The following CHD6 variants were observed in gnomAD, a reference collection of about 807,000 sequenced individuals.
The protein encoded by CHD6 is chromodomain helicase DNA binding protein 6.
Under a neutral mutation model 276.9 loss-of-function variants are expected in CHD6, and 50 were observed. That is an observed-to-expected ratio of 0.18 (90% CI 0.14 to 0.23). CHD6 has a LOEUF of 0.23. CHD6 is among the 10% of genes least tolerant of loss of function. CHD6 has a pLI of 1.00. For missense variants in CHD6, 2,564 were observed against 3,365.8 expected (o/e 0.76, Z 5.89); for synonymous variants, 1,173 against 1,229.3 (o/e 0.95, Z 0.96).
chr20:41,502,330 A>G (rs1408850842), intron 5 of CHD6, among the ~76,000 whole-genome samples: 2 of 152,256 alleles, frequency 1.3e-5, no homozygotes, highest in Non-Finnish European at 2.9e-5. Context: ...CAATTAAAAA[A>G]TTAAAAAATA....
intron 14 of CHD6, among the ~76,000 whole-genome samples, chr20:41,486,778 ACT>A (rs1388800555): frequency 6.6e-6 from 1 of 151,266 alleles, no homozygotes; most frequent in African/African-American, 2.4e-5. Flanking sequence ...CAATTCATCC[ACT>A]CTGTTTTCAG....
At position 41,473,588 on chromosome 20, in the gene CHD6, G is replaced by A; in HGVS notation, c.2469-71C>T. 7 of 1,297,054 alleles carry A rather than the reference G, an allele frequency of 5.4e-6. No individual in the cohort carries two copies. Among genetic ancestry groups the A allele is most frequent in the Non-Finnish European group, 7.7e-6 (7 of 909,284 alleles). The allele number at this position is 1,297,054 out of a possible 1,614,324, so 80.3% of individuals were successfully genotyped here. A position where few individuals can be genotyped will look rare whatever the true frequency, so the allele number is the denominator to read the frequency against. On this transcript the variant is annotated intron_variant, in intron 16 of 36. Coordinates refer to ENST00000373233, the MANE Select transcript of CHD6 (RefSeq NM_032221.5). The surrounding 1 kb of genome is among the most constrained non-coding windows in gnomAD (Gnocchi z 4.1). The stretch of plus-strand genomic sequence containing the variant: ...TCAATGGAGAACAGCACAAAATGCA[G>A]GAAGCTGTCGACTGATGGCCTTAAA...
In CHD6 at chr20:41,403,777, C is replaced by A. The variant is rs543216528; in HGVS notation, c.*816G>T. 1,404 of 1,058,328 alleles carry A rather than the reference C, an allele frequency of 1.3e-3. 11 individuals are homozygous for A. The highest frequency in any genetic ancestry group is 0.011 in the Middle Eastern group (25 of 2,360). The allele number at this position is 1,058,328 out of a possible 1,614,324, so 65.6% of individuals were successfully genotyped here. On this transcript the variant is annotated 3_prime_UTR_variant, in exon 37 of 37. Transcript: ENST00000373233. ...GTAAGCGAACCAGGTGAGAGCAGAG[C>A]GCTAGCCGTGTGCTTGTGAAGCAGC...
intron 1 of CHD6, among the ~76,000 whole-genome samples, chr20:41,600,984 GC>G: frequency 6.6e-6 from 1 of 152,202 alleles, no homozygotes. Flanking sequence ...ACAACTGAAG[GC>G]TCTATCACAT....
At chr20:41,455,657 T>C in intron 19 of CHD6, 143 bp downstream of exon 19, 1 of 591,220 alleles carries the variant, frequency 1.7e-6, no homozygotes, top group South Asian at 3.1e-5. Context: ...GATCTATATC[T>C]TTAGATAGTC....
chr20:41,452,680 C>T lies in CHD6; in HGVS notation c.3323+60G>A, dbSNP rs1190000512. ...AGACATCCTAGACAAATCTCAGGGA[C>T]TGAAAAACAGAGGGGAACAAACAAC... On this transcript the variant is annotated intron_variant, in intron 21 of 36. Transcript: ENST00000373233. The surrounding 1 kb of genome is among the most constrained non-coding windows in gnomAD (Gnocchi z 4.2). The T allele has an allele frequency of 1.2e-5, 17 of 1,477,272 alleles. No homozygotes were observed. Among genetic ancestry groups the T allele is most frequent in the Non-Finnish European group, 1.5e-5 (16 of 1,070,038 alleles). 91.5% of individuals were successfully genotyped at this position (1,477,272 alleles called of 1,614,324 possible).
intron 5 of CHD6, among the ~76,000 whole-genome samples, chr20:41,508,895 GA>G (rs2044042121): frequency 6.6e-6 from 1 of 152,270 alleles, no homozygotes; most frequent in African/African-American, 2.4e-5. Context: ...TTCTAATACA[GA>G]GGCTTAAACA....
chr20:41,521,977 T>C (rs1290564145), intron 3 of CHD6, among the ~76,000 whole-genome samples: 1 of 152,084 alleles, frequency 6.6e-6, no homozygotes, highest in East Asian at 1.9e-4. Flanking sequence ...AAATAATGAA[T>C]AAGGGATAAG....
chr20:41,532,127 C>T (rs965223295), intron 3 of CHD6, among the ~76,000 whole-genome samples: 3 of 152,072 alleles, frequency 2.0e-5, no homozygotes, highest in Admixed American at 6.5e-5. Context: ...ATGACAGATA[C>T]GGAATTCCCT....
chr20:41,447,469 ATAT>A (rs1321817656), intron 24 of CHD6, among the ~76,000 whole-genome samples: 2 of 152,238 alleles, frequency 1.3e-5, no homozygotes, highest in African/African-American at 4.8e-5. Flanking sequence ...TAGGCCGCAC[ATAT>A]TATTAATATG....
chr20:41,583,806 G>A (rs1231594408), intron 1 of CHD6, among the ~76,000 whole-genome samples: 1 of 152,130 alleles, frequency 6.6e-6, no homozygotes, highest in Non-Finnish European at 1.5e-5. Context: ...ATGAGAAGTA[G>A]TATAATATGG....
intron 17 of CHD6, among the ~76,000 whole-genome samples, chr20:41,458,018 T>A (rs146580070): frequency 6.6e-6 from 1 of 152,236 alleles, no homozygotes; most frequent in Non-Finnish European, 1.5e-5. Flanking sequence ...ATTATCATTG[T>A]CACACTTAAA....
chr20:41,604,040 G>C (rs2045801543), intron 1 of CHD6, among the ~76,000 whole-genome samples: 1 of 150,874 alleles, frequency 6.6e-6, no homozygotes, highest in Non-Finnish European at 1.5e-5. Flanking sequence ...TAGGTAGGGG[G>C]TGTCAGGGAG....
intron 2 of CHD6, among the ~76,000 whole-genome samples, chr20:41,542,233 C>T (rs534077737): frequency 2.6e-5 from 4 of 152,284 alleles, no homozygotes; most frequent in South Asian, 4.1e-4. Context: ...AGATGCTGAA[C>T]AGAATCTAGT....
intron 2 of CHD6, among the ~76,000 whole-genome samples, chr20:41,538,860 AC>A (rs936915575): frequency 6.6e-6 from 1 of 152,110 alleles, no homozygotes; most frequent in Non-Finnish European, 1.5e-5. Context: ...TACAGTTTCT[AC>A]CCTTGACCCT....
intron 17 of CHD6, among the ~76,000 whole-genome samples, chr20:41,466,363 A>G (rs1296025307): frequency 6.6e-6 from 1 of 152,282 alleles, no homozygotes; most frequent in South Asian, 2.1e-4. Flanking sequence ...CCAGGGTACA[A>G]TCCAGGGTAT....
At chr20:41,574,270 G>A (rs920229679) in intron 1 of CHD6, among the ~76,000 whole-genome samples, 11 of 152,138 alleles carry the variant, frequency 7.2e-5, no homozygotes, top group Admixed American at 5.9e-4. Context: ...AGGGAAAAAA[G>A]TGAACTGTTT....
intron 1 of CHD6, among the ~76,000 whole-genome samples, chr20:41,604,609 A>G (rs2045808567): frequency 6.6e-6 from 1 of 152,208 alleles, no homozygotes; most frequent in Admixed American, 6.5e-5. Context: ...AACGGAAAAT[A>G]ACTGTCCAGA....
intron 31 of CHD6, among the ~76,000 whole-genome samples, chr20:41,418,276 A>G (rs962176675): frequency 2.0e-5 from 3 of 152,206 alleles, no homozygotes; most frequent in Non-Finnish European, 4.4e-5. Context: ...ATCAGCTGTG[A>G]TAAGTACTAT....
Sources: allele counts gnomAD v4.1 joint callset (sites outside exome capture counted in the v4.1 genomes callset), GRCh38; gene constraint gnomAD v4.1.1; non-coding constraint Gnocchi (gnomAD v3.1); transcripts MANE v1.5; gene names NCBI Gene and HGNC (gene_info 2026-07-23, HGNC 2026-07-21).